The following MAML2 variants were observed in gnomAD, a reference collection of about 807,000 sequenced individuals.
The protein encoded by MAML2 is mastermind-like protein 2.
MAML2 carries 22 observed loss-of-function variants against 96.1 expected under a neutral mutation model. The ratio of observed to expected loss-of-function variants is 0.23; its 90% CI spans 0.16 to 0.33. The LOEUF is 0.33. Among genes scored for constraint, MAML2 ranks in the 10% least tolerant of loss-of-function variants. The probability of loss-of-function intolerance (pLI) is 1.00; values close to 1 mark genes in which losing one functional copy is unlikely to be tolerated. For missense variants in MAML2, 1,367 were observed against 1,392.4 expected (o/e 0.98, Z 0.29); for synonymous variants, 561 against 521.3 (o/e 1.08, Z -1.04).
chr11:96,035,745 A>G (rs1160477322), intron 2 of MAML2, among the ~76,000 whole-genome samples: 1 of 152,216 alleles, frequency 6.6e-6, no homozygotes, highest in African/African-American at 2.4e-5. Context: ...AAATCTTCAT[A>G]TATTCAAAAG....
At chr11:96,144,604 C>T (rs913785597) in intron 1 of MAML2, among the ~76,000 whole-genome samples, 2 of 152,126 alleles carry the variant, frequency 1.3e-5, no homozygotes, top group African/African-American at 2.4e-5. Flanking sequence ...GACCACTGGG[C>T]TTATTATCTG....
At chr11:96,299,325 T>C (rs185330257) in intron 1 of MAML2, among the ~76,000 whole-genome samples, 102 of 150,992 alleles carry the variant, frequency 6.8e-4, no homozygotes, top group African/African-American at 2.0e-3. Context: ...GGAAACCATA[T>C]ATTCATAACA....
intron 1 of MAML2, among the ~76,000 whole-genome samples, chr11:96,219,315 T>G (rs753434223): frequency 6.6e-6 from 1 of 152,200 alleles, no homozygotes; most frequent in Non-Finnish European, 1.5e-5. Context: ...ACTTTCGGAT[T>G]CTTCAAAAAC....
rs371768225 is a variant in MAML2, at chr11:96,232,748, A to T, written c.513+108635T>A. Among the ~76,000 whole-genome samples, 283 of 152,344 alleles carry T rather than the reference A, an allele frequency of 1.9e-3. 1 individual carries two copies. Among genetic ancestry groups the T allele is most frequent in the African/African-American group, 6.5e-3 (271 of 41,582 alleles). On this transcript the variant is annotated intron_variant, in intron 1 of 4. Coordinates refer to ENST00000524717, the MANE Select transcript of MAML2 (RefSeq NM_032427.4). ...AGCCTCCCAAAGTGCTTAGGATTAG[A>T]GGCGTGAGCCACCGCGCCCGGCCAA...
chr11:96,166,154 GTCTCTC>G (rs752973631), intron 1 of MAML2, among the ~76,000 whole-genome samples: 10 of 113,762 alleles, frequency 8.8e-5, no homozygotes, highest in Admixed American at 1.9e-4. Context: ...CTCTCTGTCT[GTCTCTC>G]TCTCTCTCTC....
rs191490203 is a variant in MAML2 at position 96,334,519 on chromosome 11, C to T, written c.513+6864G>A. On this transcript the variant is annotated intron_variant, in intron 1 of 4. Coordinates refer to ENST00000524717, the MANE Select transcript of MAML2 (RefSeq NM_032427.4). ...TCACCTCAGAGTTAAGAGTTAAGAT[C>T]TCAGGCTCTTAACTGCTATGCTTCT... 3.6e-3 allele frequency among the ~76,000 whole-genome samples: 547 copies of T among 152,300 alleles called. 4 individuals carry two copies. The highest frequency in any genetic ancestry group is 5.4e-3 in the Non-Finnish European group (364 of 68,012).
At chr11:96,163,987 T>C (rs1861153939) in intron 1 of MAML2, among the ~76,000 whole-genome samples, 1 of 151,690 alleles carries the variant, frequency 6.6e-6, no homozygotes, top group Non-Finnish European at 1.5e-5. Flanking sequence ...CTCAGCCTCC[T>C]GAGTAGCTGG....
At chr11:96,008,205 T>G (rs918419595) in intron 2 of MAML2, among the ~76,000 whole-genome samples, 2 of 63,612 alleles carry the variant, frequency 3.1e-5, no homozygotes, top group African/African-American at 1.4e-4. Context: ...ACTTTTAACC[T>G]TTTTTTTCCT....
At chr11:96,209,427 C>T (rs1435643149) in intron 1 of MAML2, among the ~76,000 whole-genome samples, 1 of 152,008 alleles carries the variant, frequency 6.6e-6, no homozygotes, top group Non-Finnish European at 1.5e-5. Flanking sequence ...CACTTGAGGT[C>T]AGGAGTTCGA....
chr11:96,041,068 G>A (rs923760588), intron 2 of MAML2, among the ~76,000 whole-genome samples: 2 of 152,128 alleles, frequency 1.3e-5, no homozygotes, highest in South Asian at 4.1e-4. Flanking sequence ...TCCAGTTGCT[G>A]ATGGGCACTT....
At chr11:96,255,590 T>C (rs928058650) in intron 1 of MAML2, among the ~76,000 whole-genome samples, 1 of 152,204 alleles carries the variant, frequency 6.6e-6, no homozygotes, top group African/African-American at 2.4e-5. Context: ...CCAGGTAGAA[T>C]TCCAACAGAA....
At chr11:96,326,177 T>C (rs922002204) in intron 1 of MAML2, among the ~76,000 whole-genome samples, 2 of 135,610 alleles carry the variant, frequency 1.5e-5, no homozygotes, top group African/African-American at 5.5e-5. Flanking sequence ...AGACCCAACA[T>C]GTAGTAGGCA....
At chr11:96,218,785 T>A (rs1862087325) in intron 1 of MAML2, among the ~76,000 whole-genome samples, 1 of 152,210 alleles carries the variant, frequency 6.6e-6, no homozygotes. Context: ...GAATTTCAGA[T>A]AAATAACAAA....
In MAML2 at chr11:96,246,867, C is replaced by T. The variant is rs546972171; in HGVS notation, c.513+94516G>A. Reference sequence around the variant, plus strand: ...CAATTACGAATGGAGAACCACCTCCCTCAGACCAGTAGTTCTCACAGTCTC... The same window carrying T: ...CAATTACGAATGGAGAACCACCTCCTTCAGACCAGTAGTTCTCACAGTCTC... On this transcript the variant is annotated intron_variant, in intron 1 of 4. Coordinates refer to ENST00000524717, the MANE Select transcript of MAML2 (RefSeq NM_032427.4). 1.8e-4 allele frequency among the ~76,000 whole-genome samples: 27 copies of T among 152,130 alleles called. 1 individual carries two copies. Among genetic ancestry groups the T allele is most frequent in the Non-Finnish European group, 1.2e-4 (8 of 68,012 alleles).
chr11:96,265,004 T>C (rs906508895), intron 1 of MAML2, among the ~76,000 whole-genome samples: 4 of 152,210 alleles, frequency 2.6e-5, no homozygotes, highest in Middle Eastern at 3.2e-3. Context: ...TTACCAATAC[T>C]GAGGCTGTTA....
chr11:96,153,402 G>GTTA (rs1039868199), intron 1 of MAML2, among the ~76,000 whole-genome samples: 1 of 152,090 alleles, frequency 6.6e-6, no homozygotes, highest in African/African-American at 2.4e-5. Flanking sequence ...ATCCTGGCAA[G>GTTA]TTATTGTAAC....
intron 2 of MAML2, among the ~76,000 whole-genome samples, chr11:96,062,597 A>G (rs965202761): frequency 6.6e-6 from 1 of 152,190 alleles, no homozygotes; most frequent in Non-Finnish European, 1.5e-5. Flanking sequence ...TGTAGAATCC[A>G]GTTAACAAAG....
intron 1 of MAML2, among the ~76,000 whole-genome samples, chr11:96,273,085 C>T (rs1260541071): frequency 6.6e-6 from 1 of 152,108 alleles, no homozygotes; most frequent in East Asian, 1.9e-4. Context: ...GCAAAAAGTT[C>T]CTACGTAATG....
intron 2 of MAML2, among the ~76,000 whole-genome samples, chr11:96,023,846 T>A (rs967458495): frequency 3.3e-5 from 5 of 152,040 alleles, no homozygotes; most frequent in African/African-American, 1.2e-4. Context: ...TGGAGAAATG[T>A]GAGGTTATTA....
Sources: gnomAD v4.1 joint callset for allele counts (sites outside exome capture counted in the v4.1 genomes callset) on GRCh38, gnomAD v4.1.1 for gene constraint, MANE v1.5 for transcripts, NCBI Gene and HGNC (gene_info 2026-07-23, HGNC 2026-07-21) for gene names.